SLC1A7: variants seen among roughly 807,000 people sequenced by gnomAD.
SLC1A7 encodes excitatory amino acid transporter 5.
A neutral mutation model predicts 47.7 loss-of-function variants in SLC1A7; 40 were observed. The observed-to-expected ratio is 0.84, with a 90% CI of 0.65 to 1.09. The LOEUF (loss-of-function observed/expected upper bound fraction) is 1.09. Ranked by LOEUF, SLC1A7 falls within the 50% of genes least tolerant of loss-of-function variation. The pLI, the probability that SLC1A7 is intolerant of heterozygous loss-of-function variation, is 0.00. For synonymous variants in SLC1A7, 323 were observed against 325.6 expected (o/e 0.99, Z 0.09); for missense variants, 746 against 769.5 (o/e 0.97, Z 0.36).
In SLC1A7 at chr1:53,088,908, C is replaced by A. The variant is rs542658976; in HGVS notation, c.1433G>T (p.Arg478Leu). ...LAAGIMAHIC[R>L]KDFARDTGTE... Reference sequence around the variant, plus strand: ...GCCTGTGTCCCGGGCAAAATCCTTCCGACATATATGGGCCATGATCCCCGC... The same window carrying A: ...GCCTGTGTCCCGGGCAAAATCCTTCAGACATATATGGGCCATGATCCCCGC... Residue 478 changes from arginine to leucine, a missense_variant, in exon 10 of 11, where the codon CGG (arginine) becomes CTG (leucine). Arg to Leu is a moderately radical substitution (Grantham distance 102). Transcript: ENST00000371494. 1 of 1,614,024 alleles carries A rather than the reference C, an allele frequency of 6.2e-7. No individual in the cohort carries two copies. The highest frequency in any genetic ancestry group is 8.5e-7 in the Non-Finnish European group (1 of 1,179,986).
At chr1:53,092,493 A>G (rs1171485217) in intron 7 of SLC1A7, 61 bp downstream of exon 7, 1 of 1,232,058 alleles carries the variant, frequency 8.1e-7, no homozygotes, top group East Asian at 2.4e-5. Context: ...TGATGGCTGG[A>G]CAGACGGACA....
chr1:53,088,051 G>T lies in SLC1A7; in HGVS notation c.1641C>A (p.Asn547Lys), dbSNP rs774621015. The change falls in exon 11 of 11, where the codon AAC becomes AAA. Residue 547 changes from asparagine (N) to lysine (K), a missense_variant. Asn to Lys is a moderately conservative substitution (Grantham distance 94, BLOSUM62 0). Coordinates refer to ENST00000371494, the MANE Select transcript of SLC1A7 (RefSeq NM_006671.6). ...QDEELPAASL[N>K]HCTIQISELE... ...GCTCACTGATCTGGATGGTGCAGTG[G>T]TTCAGACTCGCAGCGGGCAGCTCCT... is the stretch of plus-strand genomic sequence containing the variant. 1 of 1,596,242 alleles carries T rather than the reference G, an allele frequency of 6.3e-7. No homozygotes were observed.
In SLC1A7 at chr1:53,117,150, G is replaced by T. The variant is rs374130568; in HGVS notation, c.216-2177C>A. 1.3e-4 allele frequency among the ~76,000 whole-genome samples: 20 copies of T among 152,354 alleles called. 2 individuals carry two copies. Among genetic ancestry groups the T allele is most frequent in the East Asian group, 7.7e-4 (4 of 5,188 alleles). The stretch of plus-strand genomic sequence containing the variant: ...TCTTGGAAATGGGAGAGGATTTGGA[G>T]ATGGGGCAGACATGCGCAGCAGTGA... On this transcript the variant is annotated intron_variant, in intron 2 of 10. Coordinates refer to ENST00000371494, the MANE Select transcript of SLC1A7 (RefSeq NM_006671.6).
Position 53,114,770 on chromosome 1 carries a change from A to G in SLC1A7, c.419T>C (p.Leu140Ser), listed in dbSNP as rs753758796. ...TGGCAATAGTTACCGGATGAGGTCC[A>G]ACAGGGCATCGGCTGAGCTCATGAT... ...KPIMSSADAL[L>S]DLIRNMFPAN... The change falls in exon 3 of 11, where the codon TTG becomes TCG. Residue 140 changes from leucine (L) to serine (S), a missense_variant. Physicochemically the swap from Leu to Ser is moderately radical, Grantham distance 145. Coordinates refer to ENST00000371494, the MANE Select transcript of SLC1A7 (RefSeq NM_006671.6). The G allele has an allele frequency of 6.2e-7, 1 of 1,613,982 alleles. No homozygotes were observed. The highest frequency in any genetic ancestry group is 1.1e-5 in the South Asian group (1 of 91,068).
intron 2 of SLC1A7, among the ~76,000 whole-genome samples, chr1:53,132,377 G>A (rs1048645335): frequency 6.6e-6 from 1 of 152,198 alleles, no homozygotes; most frequent in Non-Finnish European, 1.5e-5. Context: ...TCCATTCTTC[G>A]ACTGAGTAGG....
At chr1:53,132,679 CTACAAAAAA>C (rs1381388150) in intron 2 of SLC1A7, among the ~76,000 whole-genome samples, 1 of 152,012 alleles carries the variant, frequency 6.6e-6, no homozygotes, top group Non-Finnish European at 1.5e-5. Flanking sequence ...GACCCCGCCT[CTACAAAAAA>C]TACAAAAAAT....
intron 5 of SLC1A7, 150 bp from the exon 6 acceptor site, chr1:53,093,710 C>G: frequency 1.6e-6 from 1 of 613,126 alleles, no homozygotes; most frequent in Non-Finnish European, 2.9e-6. Flanking sequence ...CTCCTCCACT[C>G]TACTACCGAT....
chr1:53,093,708 C>T lies in SLC1A7; in HGVS notation c.698-148G>A, dbSNP rs74384026. On this transcript the variant is annotated intron_variant, in intron 5 of 10. Transcript: ENST00000371494. Reference sequence around the variant, plus strand: ...CTCTCTCTCCCTCTCTCCTCCTCCACTCTACTACCGATCCCACAGTGCTCT... The same window carrying T: ...CTCTCTCTCCCTCTCTCCTCCTCCATTCTACTACCGATCCCACAGTGCTCT... The T allele has an allele frequency of 2.2e-3, 1,362 of 617,596 alleles. 5 individuals are homozygous for T. The highest frequency in any genetic ancestry group is 0.022 in the African/African-American group (1,152 of 52,616). 38.3% of individuals were successfully genotyped at this position (617,596 alleles called of 1,614,324 possible).
intron 3 of SLC1A7, among the ~76,000 whole-genome samples, chr1:53,110,415 C>T (rs935233736): frequency 6.6e-6 from 1 of 151,782 alleles, no homozygotes; most frequent in Admixed American, 6.5e-5. Context: ...TGCAGAACAA[C>T]TTGCCTCTGG....
chr1:53,088,337 T>C (rs1644382758), intron 10 of SLC1A7, 110 bp from the exon 11 acceptor site: 2 of 882,942 alleles, frequency 2.3e-6, no homozygotes, highest in Non-Finnish European at 3.4e-6. Context: ...AACCACAAGA[T>C]GGATTTTCCT....
intron 1 of SLC1A7, 67 bp from the exon 2 acceptor site, chr1:53,134,496 C>G (rs1027588008): frequency 7.5e-6 from 8 of 1,061,232 alleles, no homozygotes; most frequent in Non-Finnish European, 1.1e-5. Context: ...CCGTTCTTCA[C>G]AGTCTTTGAA....
chr1:53,088,744 GGAGACC>G (rs2150312490), intron 10 of SLC1A7, 127 bp downstream of exon 10: 1 of 687,214 alleles, frequency 1.5e-6, no homozygotes, highest in East Asian at 2.7e-5. Flanking sequence ...TAACGGATGA[GGAGACC>G]GAGGCCCAGA....
At chr1:53,136,278 C>T (rs1258579863) in intron 1 of SLC1A7, among the ~76,000 whole-genome samples, 8 of 148,184 alleles carry the variant, frequency 5.4e-5, no homozygotes, top group African/African-American at 1.7e-4. Context: ...ACTGCAACCT[C>T]CGCCTCCCAG....
Position 53,142,578 on chromosome 1 carries a change from T to G in SLC1A7, c.-129A>C. 9.5e-7 allele frequency: 1 copy of G among 1,051,248 alleles called. No homozygotes were observed. 65.1% of individuals were successfully genotyped at this position (1,051,248 alleles called of 1,614,324 possible). A position where few individuals can be genotyped will look rare whatever the true frequency, so the allele number is the denominator to read the frequency against. On this transcript the variant is annotated 5_prime_UTR_variant, in exon 1 of 11. Transcript: ENST00000371494. ...GGTGGTCGGAGTTGCTAAACACCAGTCGCCAGCCCCACGGCCATGCCCGTG... is the reference window on the plus strand; with the variant it reads ...GGTGGTCGGAGTTGCTAAACACCAGGCGCCAGCCCCACGGCCATGCCCGTG...
At chr1:53,120,044 G>A (rs1644802515) in intron 2 of SLC1A7, among the ~76,000 whole-genome samples, 1 of 152,214 alleles carries the variant, frequency 6.6e-6, no homozygotes, top group African/African-American at 2.4e-5. Flanking sequence ...AGAGCCCAGG[G>A]ATTGTGGATC....
chr1:53,103,238 C>T, intron 5 of SLC1A7, 108 bp downstream of exon 5: 2 of 808,578 alleles, frequency 2.5e-6, no homozygotes, highest in South Asian at 3.8e-5. Context: ...TCACAGTAAA[C>T]CTCTCCAGCA....
chr1:53,108,252 C>T lies in SLC1A7; in HGVS notation c.432-2478G>A, dbSNP rs547104253. On this transcript the variant is annotated intron_variant, in intron 3 of 10. Coordinates refer to ENST00000371494, the MANE Select transcript of SLC1A7 (RefSeq NM_006671.6). ...GTCGCCTCCCACTCACTCTTGTCCTCGGTAACCCTCTTCCCCTCTTTCAAG... is the reference window on the plus strand; with the variant it reads ...GTCGCCTCCCACTCACTCTTGTCCTTGGTAACCCTCTTCCCCTCTTTCAAG... 1.5e-4 allele frequency: 41 copies of T among 280,738 alleles called. 1 individual carries two copies. The highest frequency in any genetic ancestry group is 7.3e-4 in the African/African-American group (32 of 44,116). 17.4% of individuals were successfully genotyped at this position (280,738 alleles called of 1,614,324 possible).
intron 1 of SLC1A7, among the ~76,000 whole-genome samples, 168 bp from the exon 2 acceptor site, chr1:53,134,597 T>A (rs1299519915): frequency 6.6e-6 from 1 of 152,146 alleles, no homozygotes; most frequent in Non-Finnish European, 1.5e-5. Context: ...TGGGTTCCAA[T>A]CCTGGTAAAC....
At chr1:53,104,800 G>A (rs911016609) in intron 4 of SLC1A7, among the ~76,000 whole-genome samples, 5 of 152,176 alleles carry the variant, frequency 3.3e-5, no homozygotes, top group African/African-American at 4.8e-5. Flanking sequence ...AACCCTTGCT[G>A]GATTAAGTCA....
Sources: gnomAD v4.1 joint callset for allele counts (sites outside exome capture counted in the v4.1 genomes callset) on GRCh38, gnomAD v4.1.1 for gene constraint, MANE v1.5 for transcripts, NCBI Gene and HGNC (gene_info 2026-07-23, HGNC 2026-07-21) for gene names.